GRM7: variants seen among roughly 807,000 people sequenced by gnomAD.
GRM7 encodes glutamate metabotropic receptor 7.
Under a neutral mutation model 84.5 loss-of-function variants are expected in GRM7, and 35 were observed. The observed-to-expected ratio is 0.41, with a 90% CI of 0.32 to 0.55. GRM7 has a LOEUF of 0.55. Among genes scored for constraint, GRM7 ranks in the 20% least tolerant of loss-of-function variants. GRM7 has a pLI of 0.19. For synonymous variants in GRM7, 487 were observed against 455.1 expected (o/e 1.07, Z -0.89); for missense variants, 1,003 against 1,194.6 (o/e 0.84, Z 2.36).
chr3:6,905,175 T>A (rs1394059422), intron 1 of GRM7, among the ~76,000 whole-genome samples: 2 of 152,240 alleles, frequency 1.3e-5, no homozygotes, highest in Non-Finnish European at 2.9e-5. Flanking sequence ...GTATTGGAAT[T>A]GCATTTAACT....
At chr3:7,284,591 G>A (rs1241652309) in intron 2 of GRM7, among the ~76,000 whole-genome samples, 1 of 151,868 alleles carries the variant, frequency 6.6e-6, no homozygotes, top group Non-Finnish European at 1.5e-5. Context: ...CTCTGATTCG[G>A]GTTTACTCCA....
At chr3:7,707,474 A>G (rs1279813131) in intron 9 of GRM7, among the ~76,000 whole-genome samples, 2 of 152,174 alleles carry the variant, frequency 1.3e-5, no homozygotes, top group Non-Finnish European at 2.9e-5. Flanking sequence ...ATTAATTACA[A>G]TCGGGCAGTT....
intron 7 of GRM7, among the ~76,000 whole-genome samples, chr3:7,507,310 GC>G (rs1251430115): frequency 2.0e-5 from 3 of 152,184 alleles, no homozygotes; most frequent in African/African-American, 7.2e-5. Context: ...TCAGGACACA[GC>G]TACTGGGACA....
chr3:7,215,789 T>C (rs1696590419), intron 2 of GRM7, among the ~76,000 whole-genome samples: 1 of 152,200 alleles, frequency 6.6e-6, no homozygotes, highest in East Asian at 1.9e-4. Context: ...CAAATGTAGT[T>C]GTGAATGAAA....
chr3:7,479,214 T>C (rs1699038607), intron 7 of GRM7, among the ~76,000 whole-genome samples: 1 of 151,880 alleles, frequency 6.6e-6, no homozygotes, highest in South Asian at 2.1e-4. Context: ...GAGGAGGCTA[T>C]CACTCTGGGC....
intron 8 of GRM7, among the ~76,000 whole-genome samples, chr3:7,612,174 G>A (rs768868228): frequency 6.6e-6 from 1 of 152,274 alleles, no homozygotes; most frequent in East Asian, 1.9e-4. Context: ...GAGCATGGAT[G>A]CCAGAGCCAG....
chr3:7,100,653 A>G (rs991743813), intron 1 of GRM7, among the ~76,000 whole-genome samples: 1 of 151,812 alleles, frequency 6.6e-6, no homozygotes, highest in African/African-American at 2.4e-5. Flanking sequence ...AAATTTACAT[A>G]CAGTGAAATG....
chr3:6,961,354 C>T (rs1317596669), intron 1 of GRM7, among the ~76,000 whole-genome samples: 1 of 152,140 alleles, frequency 6.6e-6, no homozygotes, highest in Non-Finnish European at 1.5e-5. Flanking sequence ...CATAATCATT[C>T]CCTTGCTCAT....
At chr3:7,053,491 A>G (rs1322107582) in intron 1 of GRM7, among the ~76,000 whole-genome samples, 2 of 151,726 alleles carry the variant, frequency 1.3e-5, no homozygotes, top group Non-Finnish European at 3.0e-5. Flanking sequence ...TCTTTTCTCT[A>G]GAAATTTTAT....
chr3:7,684,030 C>T lies in GRM7; in HGVS notation c.2698+3735C>T, dbSNP rs954665135. ...CGAGCCACTAATAGGGAAAAAGTAA[C>T]ATCATAGACAGCAATGACATTTGAA... On this transcript the variant is annotated intron_variant, in intron 9 of 9. Transcript: ENST00000357716. 2.0e-5 allele frequency among the ~76,000 whole-genome samples: 3 copies of T among 152,148 alleles called. No homozygotes were observed. In the East Asian group the frequency reaches 5.8e-4, roughly 29 times the overall value.
Position 6,958,178 on chromosome 3 carries a change from T to A in GRM7, c.519+96271T>A, listed in dbSNP as rs567637441. On this transcript the variant is annotated intron_variant, in intron 1 of 9. Transcript: ENST00000357716. ...AAAGTTTTCTTGTGCCCCTATGCAA[T>A]CTTTGTTACTCTCTATATATTAGTT... 7.0e-4 allele frequency among the ~76,000 whole-genome samples: 106 copies of A among 152,008 alleles called. 1 individual carries two copies. The highest frequency in any genetic ancestry group is 2.5e-3 in the African/African-American group (105 of 41,468).
At chr3:6,978,587 TG>T (rs1694084267) in intron 1 of GRM7, among the ~76,000 whole-genome samples, 1 of 152,164 alleles carries the variant, frequency 6.6e-6, no homozygotes, top group Non-Finnish European at 1.5e-5. Flanking sequence ...GTCAAATGAA[TG>T]CTGGGTTAGG....
At chr3:7,644,638 T>A (rs1344241230) in intron 8 of GRM7, among the ~76,000 whole-genome samples, 2 of 152,218 alleles carry the variant, frequency 1.3e-5, no homozygotes, top group Non-Finnish European at 2.9e-5. Context: ...GAAAGGGTAG[T>A]CCTGGGAATG....
chr3:7,584,987 T>C (rs550733019), intron 8 of GRM7, among the ~76,000 whole-genome samples: 11 of 152,310 alleles, frequency 7.2e-5, no homozygotes. Flanking sequence ...CTTCCAGCCA[T>C]ATAAACATAC....
intron 1 of GRM7, among the ~76,000 whole-genome samples, chr3:6,972,191 A>T (rs138862048): frequency 5.8e-4 from 89 of 152,256 alleles, no homozygotes; most frequent in African/African-American, 2.1e-3. Flanking sequence ...TTCTCACTTC[A>T]TTGACGTCAG....
chr3:7,512,992 A>G (rs1038250076), intron 7 of GRM7, among the ~76,000 whole-genome samples: 1 of 152,228 alleles, frequency 6.6e-6, no homozygotes, highest in South Asian at 2.1e-4. Flanking sequence ...CCCAAATGGA[A>G]CTATTGTTTA....
At chr3:7,311,008 T>C (rs1700371539) in intron 4 of GRM7, among the ~76,000 whole-genome samples, 2 of 152,322 alleles carry the variant, frequency 1.3e-5, no homozygotes, top group South Asian at 4.1e-4. Flanking sequence ...GCTGTGTCTA[T>C]TCCACTTTGA....
At chr3:7,040,115 G>A (rs1469442843) in intron 1 of GRM7, among the ~76,000 whole-genome samples, 1 of 152,104 alleles carries the variant, frequency 6.6e-6, no homozygotes. Flanking sequence ...TTCCAAGACT[G>A]CCAGTTTATA....
intron 2 of GRM7, among the ~76,000 whole-genome samples, chr3:7,185,659 C>T (rs1695489994): frequency 6.6e-6 from 1 of 152,170 alleles, no homozygotes. Context: ...CAGAGCATCA[C>T]CATCACCTGA....
Sources: gnomAD v4.1 joint callset for allele counts (sites outside exome capture counted in the v4.1 genomes callset) on GRCh38, gnomAD v4.1.1 for gene constraint, MANE v1.5 for transcripts, NCBI Gene and HGNC (gene_info 2026-07-23, HGNC 2026-07-21) for gene names.